Variants in MAP2K6 observed in about 807,000 individuals in gnomAD.
MAP2K6 encodes mitogen-activated protein kinase kinase 6, also known as dual specificity mitogen-activated protein kinase kinase 6.
Under a neutral mutation model 53.7 loss-of-function variants are expected in MAP2K6, and 16 were observed. The ratio of observed to expected loss-of-function variants is 0.30; its 90% CI spans 0.20 to 0.45. The LOEUF (loss-of-function observed/expected upper bound fraction) is 0.45. MAP2K6 is among the 20% of genes least tolerant of loss of function. The pLI is 1.00. For synonymous variants in MAP2K6, 132 were observed against 143.1 expected (o/e 0.92, Z 0.55); for missense variants, 204 against 411.9 (o/e 0.50, Z 4.37).
At chr17:69,431,972 T>C (rs1040552095) in intron 1 of MAP2K6, among the ~76,000 whole-genome samples, 1 of 152,160 alleles carries the variant, frequency 6.6e-6, no homozygotes, top group Non-Finnish European at 1.5e-5. Flanking sequence ...CTGAGTCAGG[T>C]GTTCACCCCT....
chr17:69,502,819 G>C (rs1243644859), intron 1 of MAP2K6: 1 of 535,164 alleles, frequency 1.9e-6, no homozygotes, highest in Non-Finnish European at 2.4e-6. Context: ...TTTGGTCTCT[G>C]TGCTAAAAAC....
intron 1 of MAP2K6, chr17:69,502,467 T>C (rs1007179524): frequency 1.0e-6 from 1 of 985,312 alleles, no homozygotes; most frequent in Non-Finnish European, 1.2e-6. Context: ...TTGTATTTTA[T>C]TTGATGTAAA....
intron 1 of MAP2K6, among the ~76,000 whole-genome samples, chr17:69,431,770 C>T (rs952639029): frequency 6.6e-6 from 1 of 152,196 alleles, no homozygotes; most frequent in Non-Finnish European, 1.5e-5. Flanking sequence ...TTTGCTCACT[C>T]ATCAATCAAC....
chr17:69,482,705 G>A (rs1242916540), intron 1 of MAP2K6, among the ~76,000 whole-genome samples: 1 of 151,834 alleles, frequency 6.6e-6, no homozygotes, highest in Non-Finnish European at 1.5e-5. Context: ...TAAGACAGTT[G>A]TTATTACAGA....
At chr17:69,454,697 A>T (rs1907342809) in intron 1 of MAP2K6, among the ~76,000 whole-genome samples, 1 of 152,076 alleles carries the variant, frequency 6.6e-6, no homozygotes, top group Admixed American at 6.6e-5. Flanking sequence ...AGCCTAACTG[A>T]TGATATTTCT....
At chr17:69,486,226 G>A (rs1426512932) in intron 1 of MAP2K6, among the ~76,000 whole-genome samples, 1 of 152,152 alleles carries the variant, frequency 6.6e-6, no homozygotes, top group Non-Finnish European at 1.5e-5. Flanking sequence ...TCTGGCTACA[G>A]GGCTGGATGC....
intron 1 of MAP2K6, among the ~76,000 whole-genome samples, chr17:69,440,230 T>A (rs1289655111): frequency 6.6e-6 from 1 of 152,172 alleles, no homozygotes; most frequent in African/African-American, 2.4e-5. Context: ...GTGTTTTTAG[T>A]AGAGACAGGG....
intron 1 of MAP2K6, among the ~76,000 whole-genome samples, chr17:69,496,454 T>G (rs1908955484): frequency 6.6e-6 from 1 of 151,984 alleles, no homozygotes; most frequent in South Asian, 2.1e-4. Context: ...GTACTTTTAG[T>G]AGAGATGGGG....
At chr17:69,517,824 C>A (rs1417756693) in intron 4 of MAP2K6, among the ~76,000 whole-genome samples, 1 of 152,106 alleles carries the variant, frequency 6.6e-6, no homozygotes, top group East Asian at 1.9e-4. Flanking sequence ...TTTTTTAACT[C>A]TTAACTCTCC....
intron 1 of MAP2K6, among the ~76,000 whole-genome samples, chr17:69,446,858 A>G (rs1489002246): frequency 9.4e-6 from 1 of 105,842 alleles, no homozygotes; most frequent in Non-Finnish European, 1.9e-5. Context: ...CTTAAGAATA[A>G]GGTTTTTTTT....
Position 69,550,727 on chromosome 17 carries a change from C to T in MAP2K6, c.*8974C>T, listed in dbSNP as rs1912062658. On this transcript the variant is annotated 3_prime_UTR_variant, in exon 12 of 12. Transcript: ENST00000590474. Reference sequence around the variant, plus strand: ...GGAAAAAGAGTGTGATGAAGGTGAACTCTGCCTATCTGAACCTCTGTCAAC... The same window carrying T: ...GGAAAAAGAGTGTGATGAAGGTGAATTCTGCCTATCTGAACCTCTGTCAAC... The T allele has an allele frequency of 6.6e-6, 1 of 152,240 alleles. No individual in the cohort carries two copies. Among genetic ancestry groups the T allele is most frequent in the Non-Finnish European group, 1.5e-5 (1 of 68,032 alleles). The allele number at this position is 152,240 out of a possible 1,614,324, so 9.4% of individuals were successfully genotyped here.
At chr17:69,520,497 C>T in intron 6 of MAP2K6, 111 bp downstream of exon 6, 1 of 685,074 alleles carries the variant, frequency 1.5e-6, no homozygotes, top group South Asian at 1.8e-5. Flanking sequence ...ACTATTCGTA[C>T]ATGTCTGTTG....
At chr17:69,438,803 T>C (rs1267958016) in intron 1 of MAP2K6, among the ~76,000 whole-genome samples, 1 of 152,176 alleles carries the variant, frequency 6.6e-6, no homozygotes, top group African/African-American at 2.4e-5. Flanking sequence ...CAGGCTGATA[T>C]TGAACTCCTC....
At chr17:69,473,475 C>CT (rs1421179848) in intron 1 of MAP2K6, among the ~76,000 whole-genome samples, 1 of 152,066 alleles carries the variant, frequency 6.6e-6, no homozygotes, top group Non-Finnish European at 1.5e-5. Flanking sequence ...GCAGTTTTGC[C>CT]TGGGTAGTGG....
intron 5 of MAP2K6, 148 bp downstream of exon 5, chr17:69,519,580 G>A (rs2145256402): frequency 1.2e-6 from 1 of 854,666 alleles, no homozygotes; most frequent in Non-Finnish European, 1.8e-6. Context: ...ATGATGACAT[G>A]CCCTGGAGCA....
Position 69,524,939 on chromosome 17 carries a change from C to T in MAP2K6, c.702C>T (p.Tyr234=), listed in dbSNP as rs908408735. 3 of 1,613,148 alleles carry T rather than the reference C, an allele frequency of 1.9e-6. No individual in the cohort carries two copies. The highest frequency in any genetic ancestry group is 2.5e-6 in the Non-Finnish European group (3 of 1,179,322). ...RINPELNQKG[Y]SVKSDIWSLG... is the part of the protein sequence containing the mutation. ...ACCCAGAGCTCAACCAGAAGGGATA[C>T]AGTGTGAAGTCTGACATTTGGAGTC... Residue 234 remains tyrosine, a synonymous_variant, in exon 9 of 12, where the codon TAC becomes TAT. Coordinates refer to ENST00000590474, the MANE Select transcript of MAP2K6 (RefSeq NM_002758.4).
chr17:69,421,703 G>T (rs1399784293), intron 1 of MAP2K6, among the ~76,000 whole-genome samples: 4 of 151,662 alleles, frequency 2.6e-5, no homozygotes, highest in Non-Finnish European at 4.4e-5. Flanking sequence ...CACCATGCCC[G>T]GCTAATTTTT....
In MAP2K6 at chr17:69,432,765, G is replaced by A. The variant is rs184236678; in HGVS notation, c.16+17765G>A. On this transcript the variant is annotated intron_variant, in intron 1 of 11. Coordinates refer to ENST00000590474, the MANE Select transcript of MAP2K6 (RefSeq NM_002758.4). ...ACCACCATTGCACACGTTTACCTATGTAACAAACCTGCACGTTCTGCACAT... is the reference window on the plus strand; with the variant it reads ...ACCACCATTGCACACGTTTACCTATATAACAAACCTGCACGTTCTGCACAT... Among the ~76,000 whole-genome samples, 250 of 148,978 alleles carry A rather than the reference G, an allele frequency of 1.7e-3. 1 individual carries two copies. The highest frequency in any genetic ancestry group is 3.4e-3 in the Middle Eastern group (1 of 294).
At position 69,548,440 on chromosome 17, in the gene MAP2K6, TTC is replaced by T. The variant is rs1491028420; in HGVS notation, c.*6689_*6690del. 6.6e-6 allele frequency: 1 copy of T among 152,208 alleles called. No homozygotes were observed. The highest frequency in any genetic ancestry group is 1.9e-4 in the East Asian group (1 of 5,198). The allele number at this position is 152,208 out of a possible 1,614,324, so 9.4% of individuals were successfully genotyped here. On this transcript the variant is annotated 3_prime_UTR_variant, in exon 12 of 12. Coordinates refer to ENST00000590474, the MANE Select transcript of MAP2K6 (RefSeq NM_002758.4). ...GTGACCGAAGCTTTCTCATTTTTTT[TTC>T]TTCCAGAACAATAGCACACATCTTG...
Sources: gnomAD v4.1 joint callset for allele counts (sites outside exome capture counted in the v4.1 genomes callset) on GRCh38, gnomAD v4.1.1 for gene constraint, MANE v1.5 for transcripts, NCBI Gene and HGNC (gene_info 2026-07-23, HGNC 2026-07-21) for gene names.